FHOD3: variants seen among roughly 807,000 people sequenced by gnomAD.
FHOD3 encodes the protein formin homology 2 domain containing 3.
Under a neutral mutation model 173.0 loss-of-function variants are expected in FHOD3, and 90 were observed. The observed-to-expected ratio is 0.52, with a 90% CI of 0.44 to 0.62. FHOD3 has a LOEUF of 0.62. Among genes scored for constraint, FHOD3 ranks in the 20% least tolerant of loss-of-function variants. The pLI is 0.00. For synonymous variants in FHOD3, 828 were observed against 823.0 expected (o/e 1.01, Z -0.10); for missense variants, 1,945 against 2,034.7 (o/e 0.96, Z 0.85).
chr18:36,482,858 C>CAGAGAGAGAGAGAGAGAG (rs138052316), intron 3 of FHOD3, among the ~76,000 whole-genome samples: 4 of 130,372 alleles, frequency 3.1e-5, no homozygotes, highest in African/African-American at 1.2e-4. Flanking sequence ...CACACACACA[C>CAGAGAGAGAGAGAGAGAG]AGAGAGAGAG....
chr18:36,517,797 T>C (rs941343098), intron 5 of FHOD3, among the ~76,000 whole-genome samples: 2 of 152,238 alleles, frequency 1.3e-5, no homozygotes, highest in South Asian at 4.1e-4. Flanking sequence ...ATTTAAAAAT[T>C]GGGAGATTTG....
chr18:36,637,025 T>G (rs2034941796), intron 10 of FHOD3, among the ~76,000 whole-genome samples: 1 of 152,204 alleles, frequency 6.6e-6, no homozygotes, highest in Non-Finnish European at 1.5e-5. Flanking sequence ...CTACCTTTGT[T>G]TTTGTTTGCA....
rs549514039 is a variant in FHOD3, at chr18:36,561,955, C to T, written c.512-14496C>T. ...AATGGTAGGCAAGTGACTACTACTA[C>T]ACTGTGTATTGTATTGTATTGTATT... On this transcript the variant is annotated intron_variant, in intron 5 of 28. Coordinates refer to ENST00000590592, the MANE Select transcript of FHOD3 (RefSeq NM_001281740.3). Among the ~76,000 whole-genome samples the T allele has an allele frequency of 1.6e-4, 21 of 132,388 alleles. No individual in the cohort carries two copies. The South Asian group carries it at 1.8e-3, about 11-fold the overall frequency. The allele number at this position is 132,388 out of a possible 152,430, so 86.9% of individuals were successfully genotyped here.
At chr18:36,692,253 A>G (rs1334815290) in intron 16 of FHOD3, among the ~76,000 whole-genome samples, 1 of 152,234 alleles carries the variant, frequency 6.6e-6, no homozygotes, top group African/African-American at 2.4e-5. Flanking sequence ...AATGAGGAAC[A>G]CCATGTCTAA....
intron 6 of FHOD3, among the ~76,000 whole-genome samples, chr18:36,588,753 G>C (rs2059119722): frequency 6.6e-6 from 1 of 152,194 alleles, no homozygotes; most frequent in Non-Finnish European, 1.5e-5. Flanking sequence ...TTAAGAGACT[G>C]TCTTTTTATT....
At chr18:36,442,408 G>T (rs2051208304) in intron 3 of FHOD3, among the ~76,000 whole-genome samples, 1 of 152,098 alleles carries the variant, frequency 6.6e-6, no homozygotes, top group Non-Finnish European at 1.5e-5. Context: ...TTTTCTCTGA[G>T]ACTTAAAAAA....
At chr18:36,599,420 C>T (rs1435245771) in intron 7 of FHOD3, among the ~76,000 whole-genome samples, 1 of 152,182 alleles carries the variant, frequency 6.6e-6, no homozygotes, top group East Asian at 1.9e-4. Flanking sequence ...CTACTTTCTG[C>T]TTAAGAGTAT....
intron 24 of FHOD3, among the ~76,000 whole-genome samples, chr18:36,753,402 G>A (rs2042489988): frequency 1.3e-5 from 2 of 152,182 alleles, no homozygotes; most frequent in African/African-American, 4.8e-5. Flanking sequence ...GCCTTATTTG[G>A]AAATGCTATA....
intron 24 of FHOD3, among the ~76,000 whole-genome samples, chr18:36,748,943 AT>A (rs200595177): frequency 0.013 from 1,834 of 145,152 alleles, 43 homozygotes; most frequent in East Asian, 0.1. Context: ...GATGGCTGTG[AT>A]TTTTTTTTTT....
intron 3 of FHOD3, among the ~76,000 whole-genome samples, chr18:36,422,814 T>C (rs1214583362): frequency 2.6e-5 from 4 of 152,236 alleles, no homozygotes; most frequent in African/African-American, 9.6e-5. Flanking sequence ...AAGCATTGAC[T>C]GAAGCCATTT....
intron 1 of FHOD3, among the ~76,000 whole-genome samples, chr18:36,337,658 C>T (rs1038919322): frequency 2.6e-5 from 4 of 152,066 alleles, no homozygotes; most frequent in South Asian, 4.1e-4. Flanking sequence ...TTTTCTCTTC[C>T]GATTAAAAGT....
In FHOD3 at chr18:36,612,237, A is replaced by G. The variant is rs1161159970; in HGVS notation, c.957+142A>G. 4.7e-6 allele frequency: 4 copies of G among 854,740 alleles called. No individual in the cohort carries two copies. The African/African-American group carries it at 6.9e-5, about 15-fold the overall frequency. 52.9% of individuals were successfully genotyped at this position (854,740 alleles called of 1,614,324 possible). ...CTCAGCATCGTAGGCTTCACCCCAG[A>G]CCTACTGAATCAGAAACTCTGAGGG... On this transcript the variant is annotated intron_variant, in intron 9 of 28. Transcript: ENST00000590592.
intron 3 of FHOD3, among the ~76,000 whole-genome samples, chr18:36,459,429 G>A (rs1439738022): frequency 6.6e-6 from 1 of 152,306 alleles, no homozygotes; most frequent in East Asian, 1.9e-4. Context: ...TGGGCGAACC[G>A]CCTCGCTGGC....
Position 36,575,875 on chromosome 18 carries a change from T to G in FHOD3, c.512-576T>G, listed in dbSNP as rs1040045557. 2.0e-5 allele frequency among the ~76,000 whole-genome samples: 3 copies of G among 152,250 alleles called. 1 individual carries two copies. The highest frequency in any genetic ancestry group is 2.0e-4 in the Admixed American group (3 of 15,280). Reference sequence around the variant, plus strand: ...AATTTAGGATTTGGTATGTGACGAATGTGTGATATCATGTATTTTCATGAT... The same window carrying G: ...AATTTAGGATTTGGTATGTGACGAAGGTGTGATATCATGTATTTTCATGAT... On this transcript the variant is annotated intron_variant, in intron 5 of 28. Transcript: ENST00000590592.
At chr18:36,318,754 A>G (rs2144875368) in intron 1 of FHOD3, among the ~76,000 whole-genome samples, 1 of 152,258 alleles carries the variant, frequency 6.6e-6, no homozygotes, top group Middle Eastern at 3.4e-3. Context: ...AACTTCCAAT[A>G]CTATGTTGAA....
At chr18:36,758,819 G>T (rs1015922486) in intron 25 of FHOD3, among the ~76,000 whole-genome samples, 2 of 152,194 alleles carry the variant, frequency 1.3e-5, no homozygotes, top group Non-Finnish European at 2.9e-5. Flanking sequence ...CGTTGGTGGT[G>T]GTCAGGGAAT....
intron 1 of FHOD3, among the ~76,000 whole-genome samples, chr18:36,336,285 C>T (rs929251445): frequency 2.6e-5 from 4 of 152,176 alleles, no homozygotes; most frequent in African/African-American, 4.8e-5. Flanking sequence ...CTGTCACAAA[C>T]GTGTCACTGC....
intron 5 of FHOD3, among the ~76,000 whole-genome samples, chr18:36,536,602 C>T (rs1356505378): frequency 6.6e-6 from 1 of 152,180 alleles, no homozygotes; most frequent in Non-Finnish European, 1.5e-5. Flanking sequence ...GCTGCAGCCA[C>T]CTGCCAGAGA....
intron 14 of FHOD3, among the ~76,000 whole-genome samples, chr18:36,659,668 G>A (rs2036649639): frequency 6.6e-6 from 1 of 152,192 alleles, no homozygotes; most frequent in South Asian, 2.1e-4. Context: ...ACTGATGGAA[G>A]GATGGGGTGA....
Sources: allele counts gnomAD v4.1 joint callset (sites outside exome capture counted in the v4.1 genomes callset), GRCh38; gene constraint gnomAD v4.1.1; transcripts MANE v1.5; gene names NCBI Gene and HGNC (gene_info 2026-07-23, HGNC 2026-07-21).